The following PPARGC1A variants were observed in gnomAD, a reference collection of about 807,000 sequenced individuals.
The protein encoded by PPARGC1A is peroxisome proliferator-activated receptor gamma coactivator 1-alpha.
Under a neutral mutation model 88.7 loss-of-function variants are expected in PPARGC1A, and 25 were observed. The observed-to-expected ratio is 0.28, with a 90% CI of 0.21 to 0.39. The LOEUF (loss-of-function observed/expected upper bound fraction) is 0.39, where lower values mean the gene tolerates loss of function less well. Among genes scored for constraint, PPARGC1A ranks in the 10% least tolerant of loss-of-function variants. The probability of loss-of-function intolerance (pLI) is 1.00; values close to 1 mark genes in which losing one functional copy is unlikely to be tolerated. For synonymous variants in PPARGC1A, 363 were observed against 355.6 expected, an observed-to-expected ratio of 1.02 and a Z score of -0.24; for missense variants, 880 against 968.7, an observed-to-expected ratio of 0.91 and a Z score of 1.22.
At chr4:24,151,933 G>T in the PPARGC1A span, among the ~76,000 whole-genome samples, 1 of 152,222 alleles carries the variant, frequency 6.6e-6, no homozygotes, top group African/African-American at 2.4e-5. Flanking sequence ...CAGAGCTTGT[G>T]GTCTTAGGAA....
At chr4:24,213,704 GGCATGTGTGTGT>G in the PPARGC1A span, among the ~76,000 whole-genome samples, 1 of 152,296 alleles carries the variant, frequency 6.6e-6, no homozygotes, top group East Asian at 1.9e-4. Context: ...CATATGTCCA[GGCATGTGTGTGT>G]GCATGTGTTT....
the PPARGC1A span, among the ~76,000 whole-genome samples, chr4:23,928,908 A>G: frequency 1.4e-4 from 22 of 152,136 alleles, no homozygotes; most frequent in Non-Finnish European, 3.1e-4. Flanking sequence ...GTTCTTGTTT[A>G]TAAGGGAGCT....
the PPARGC1A span, among the ~76,000 whole-genome samples, chr4:24,340,582 A>G: frequency 6.6e-6 from 1 of 152,218 alleles, no homozygotes; most frequent in African/African-American, 2.4e-5. Context: ...TTTAATGTCC[A>G]TAAAATGACT....
At chr4:23,948,720 C>G in the PPARGC1A span, among the ~76,000 whole-genome samples, 1 of 152,176 alleles carries the variant, frequency 6.6e-6, no homozygotes, top group African/African-American at 2.4e-5. Context: ...ACAAACGCCT[C>G]TTTTCATTCT....
At chr4:24,375,880 G>GACAA in the PPARGC1A span, among the ~76,000 whole-genome samples, 6 of 152,064 alleles carry the variant, frequency 3.9e-5, no homozygotes, top group African/African-American at 1.4e-4. Context: ...CATGGTCTTG[G>GACAA]ACAAACAGGG....
At chr4:23,970,576 G>A in the PPARGC1A span, among the ~76,000 whole-genome samples, 1 of 152,166 alleles carries the variant, frequency 6.6e-6, no homozygotes, top group Non-Finnish European at 1.5e-5. Context: ...GCTACATAAA[G>A]GTTTAGCACA....
At chr4:24,351,801 A>C in the PPARGC1A span, among the ~76,000 whole-genome samples, 1 of 152,176 alleles carries the variant, frequency 6.6e-6, no homozygotes, top group Non-Finnish European at 1.5e-5. Flanking sequence ...TTTCTAACCT[A>C]AAAATCACAG....
At chr4:23,892,145 G>A (rs765071413), upstream of PPARGC1A, among the ~76,000 whole-genome samples, 1 of 152,084 alleles carries the variant, frequency 6.6e-6, no homozygotes, top group African/African-American at 2.4e-5. Context: ...GAACAGGCTC[G>A]TTATAATTTT....
chr4:24,167,638 C>G, the PPARGC1A span, among the ~76,000 whole-genome samples: 1 of 152,176 alleles, frequency 6.6e-6, no homozygotes, highest in African/African-American at 2.4e-5. Context: ...CCACCCTGAT[C>G]AGTCAGCAAA....
chr4:24,387,237 T>G, the PPARGC1A span, among the ~76,000 whole-genome samples: 1 of 152,068 alleles, frequency 6.6e-6, no homozygotes, highest in South Asian at 2.1e-4. Context: ...ATACAAAAAT[T>G]AACTCAAGAT....
the PPARGC1A span, among the ~76,000 whole-genome samples, chr4:24,276,439 A>G: frequency 6.6e-6 from 1 of 152,218 alleles, no homozygotes; most frequent in Non-Finnish European, 1.5e-5. Context: ...GGTCTCAGAC[A>G]TCGAGGTCCT....
At chr4:24,423,403 A>G in the PPARGC1A span, among the ~76,000 whole-genome samples, 3 of 152,248 alleles carry the variant, frequency 2.0e-5, no homozygotes, top group Non-Finnish European at 4.4e-5. Flanking sequence ...TCCAAGGAGA[A>G]TATGACCATT....
chr4:24,206,198 A>G, the PPARGC1A span, among the ~76,000 whole-genome samples: 1 of 152,228 alleles, frequency 6.6e-6, no homozygotes, highest in Non-Finnish European at 1.5e-5. Flanking sequence ...CTTAGTGAAG[A>G]AGCTACGTTA....
chr4:24,253,003 T>C, the PPARGC1A span, among the ~76,000 whole-genome samples: 1 of 152,172 alleles, frequency 6.6e-6, no homozygotes, highest in Non-Finnish European at 1.5e-5. Flanking sequence ...GATGATCTCA[T>C]TGTATTTGTA....
the PPARGC1A span, among the ~76,000 whole-genome samples, chr4:23,942,260 G>A: frequency 1.3e-5 from 2 of 152,136 alleles, no homozygotes; most frequent in Non-Finnish European, 2.9e-5. Flanking sequence ...GAAATAAGGT[G>A]AGTGAGTCAT....
the PPARGC1A span, among the ~76,000 whole-genome samples, chr4:24,028,395 C>T: frequency 6.6e-6 from 1 of 152,160 alleles, no homozygotes; most frequent in South Asian, 2.1e-4. Flanking sequence ...GGAATTTTGT[C>T]CTTGTCAAAA....
the PPARGC1A span, among the ~76,000 whole-genome samples, chr4:24,086,697 G>T: frequency 3.2e-4 from 49 of 152,170 alleles, no homozygotes; most frequent in African/African-American, 1.1e-3. Flanking sequence ...TTGCACATGG[G>T]GGGTATTCAA....
the PPARGC1A span, among the ~76,000 whole-genome samples, chr4:24,126,223 T>C: frequency 6.6e-6 from 1 of 151,522 alleles, no homozygotes. Flanking sequence ...CCTTGGTGAG[T>C]GCTGAAATCG....
At chr4:24,445,866 G>A in the PPARGC1A span, among the ~76,000 whole-genome samples, 16,177 of 152,040 alleles carry the variant, frequency 0.11, 1,157 homozygotes, top group Middle Eastern at 0.16. Context: ...CCAGGAGTTC[G>A]GGACCAGCCT....
Sources: allele counts gnomAD v4.1 joint callset (sites outside exome capture counted in the v4.1 genomes callset), GRCh38; gene constraint gnomAD v4.1.1; transcripts MANE v1.5; gene names NCBI Gene and HGNC (gene_info 2026-07-23, HGNC 2026-07-21).